TBC1D2B: variants seen among roughly 807,000 people sequenced by gnomAD.
TBC1D2B encodes the protein TBC1 domain family, member 2B.
A neutral mutation model predicts 100.8 loss-of-function variants in TBC1D2B; 64 were observed. The ratio of observed to expected loss-of-function variants is 0.64; its 90% CI spans 0.52 to 0.78. The LOEUF is 0.78. TBC1D2B is among the 30% of genes least tolerant of loss of function. The probability of loss-of-function intolerance (pLI) is 0.00; values close to 1 mark genes in which losing one functional copy is unlikely to be tolerated. For missense variants in TBC1D2B, 1,052 were observed against 1,218.4 expected, an observed-to-expected ratio of 0.86 and a Z score of 2.03; for synonymous variants, 480 against 479.7, an observed-to-expected ratio of 1.00 and a Z score of -0.01.
At chr15:78,005,933 C>T (rs1469219981) in intron 10 of TBC1D2B, among the ~76,000 whole-genome samples, 1 of 152,306 alleles carries the variant, frequency 6.6e-6, no homozygotes, top group South Asian at 2.1e-4. Flanking sequence ...TATAACAATA[C>T]TACCAACTTT....
In TBC1D2B at chr15:78,012,804, T is replaced by C. The variant is rs775768168; in HGVS notation, c.2270+19A>G. 1 of 1,448,674 alleles carries C rather than the reference T, an allele frequency of 6.9e-7. No homozygotes were observed. Among genetic ancestry groups the C allele is most frequent in the East Asian group, 2.4e-5 (1 of 41,554 alleles). 89.7% of individuals were successfully genotyped at this position (1,448,674 alleles called of 1,614,324 possible). ...AGTTGCCTAATGGCAAATGGGAACATTTTGTGCTGTGCACCCACCTGTTTA... is the reference window on the plus strand; with the variant it reads ...AGTTGCCTAATGGCAAATGGGAACACTTTGTGCTGTGCACCCACCTGTTTA... On this transcript the variant is annotated intron_variant, in intron 9 of 12. Coordinates refer to ENST00000300584, the MANE Select transcript of TBC1D2B (RefSeq NM_144572.2).
intron 3 of TBC1D2B, among the ~76,000 whole-genome samples, chr15:78,044,590 T>C (rs1418182482): frequency 6.6e-6 from 1 of 152,214 alleles, no homozygotes; most frequent in African/African-American, 2.4e-5. Context: ...CCTGGAAGAA[T>C]TGTGACCTCA....
chr15:78,024,656 A>G, intron 5 of TBC1D2B, 117 bp from the exon 6 acceptor site: 2 of 973,266 alleles, frequency 2.1e-6, no homozygotes, highest in Non-Finnish European at 2.9e-6. Flanking sequence ...TAGAAACTTT[A>G]CTGGAAACAT....
At chr15:78,046,906 G>A (rs1286276964) in intron 2 of TBC1D2B, among the ~76,000 whole-genome samples, 1 of 152,184 alleles carries the variant, frequency 6.6e-6, no homozygotes, top group African/African-American at 2.4e-5. Flanking sequence ...GGAGAGCAAC[G>A]TCCTGAATGC....
chr15:78,030,299 G>A, intron 3 of TBC1D2B, 129 bp from the exon 4 acceptor site: 2 of 792,422 alleles, frequency 2.5e-6, no homozygotes, highest in East Asian at 3.0e-5. Flanking sequence ...ACGGAGAAAT[G>A]GGGATTCCCT....
At chr15:78,046,121 G>A (rs999879743) in intron 2 of TBC1D2B, among the ~76,000 whole-genome samples, 3 of 151,960 alleles carry the variant, frequency 2.0e-5, no homozygotes, top group African/African-American at 4.8e-5. Context: ...TAGTACAGAC[G>A]AGGTTTCACC....
At chr15:78,005,391 G>A (rs1212048429) in intron 10 of TBC1D2B, among the ~76,000 whole-genome samples, 4 of 152,346 alleles carry the variant, frequency 2.6e-5, no homozygotes, top group East Asian at 1.9e-4. Context: ...CAGTGGGCAC[G>A]GGGCTCGGGC....
chr15:78,016,359 C>G (rs2072374771), intron 8 of TBC1D2B, among the ~76,000 whole-genome samples, 187 bp downstream of exon 8: 1 of 152,130 alleles, frequency 6.6e-6, no homozygotes, highest in South Asian at 2.1e-4. Context: ...TGTGGTAAGT[C>G]CCCGCTCTAT....
chr15:78,037,099 T>G (rs562149307), intron 3 of TBC1D2B, among the ~76,000 whole-genome samples: 8 of 152,144 alleles, frequency 5.3e-5, no homozygotes, highest in Admixed American at 1.3e-4. Flanking sequence ...ACAATATTCT[T>G]ACTGTAGAAC....
Position 78,063,043 on chromosome 15 carries a change from CAT to C in TBC1D2B, c.361-8858_361-8857del, listed in dbSNP as rs902455180. ...ATGGTATTGAAAATTAATTAGTTAA[CAT>C]GTGTTAAGCTCAAAAGGGTGTTTGG... On this transcript the variant is annotated intron_variant, in intron 1 of 12. Coordinates refer to ENST00000300584, the MANE Select transcript of TBC1D2B (RefSeq NM_144572.2). Among the ~76,000 whole-genome samples, 11 of 152,294 alleles carry C rather than the reference CAT, an allele frequency of 7.2e-5. No homozygotes were observed. The East Asian group carries it at 1.2e-3, about 16-fold the overall frequency.
chr15:78,066,258 T>C (rs2073655262), intron 1 of TBC1D2B: 1 of 333,754 alleles, frequency 3.0e-6, no homozygotes, highest in South Asian at 2.2e-5. Context: ...GCAAAGAAGA[T>C]ATGCAGCTAT....
chr15:78,033,922 C>G (rs1169837173), intron 3 of TBC1D2B, among the ~76,000 whole-genome samples: 2 of 152,342 alleles, frequency 1.3e-5, no homozygotes, highest in East Asian at 3.9e-4. Flanking sequence ...ATGTTCTCAT[C>G]ACGCTATCAC....
At position 78,024,395 on chromosome 15, in the gene TBC1D2B, G is replaced by C; in HGVS notation, c.1231C>G (p.Gln411Glu). ...KDDQILGLTS[Q>E]LERFSLEKES... ...TTCTCCAAGCTGAACCTCTCCAGCT[G>C]GCTGGTAAGGCCCAGAATCTGATCA... The change falls in exon 6 of 13, where the codon CAG becomes GAG. Residue 411 changes from glutamine (Q) to glutamate (E), a missense_variant. This residue lies in a region of TBC1D2B where 627 missense variants were observed against 646.1 expected (regional missense o/e 0.97). Transcript: ENST00000300584. 6.2e-7 allele frequency: 1 copy of C among 1,614,052 alleles called. No individual in the cohort carries two copies.
At chr15:78,076,023 G>T (rs1001564028) in intron 1 of TBC1D2B, among the ~76,000 whole-genome samples, 12 of 152,186 alleles carry the variant, frequency 7.9e-5, no homozygotes, top group Non-Finnish European at 4.4e-5. Context: ...GAAGAGGAGT[G>T]AGAGTGAGGG....
At chr15:78,069,875 G>A (rs2073717847) in intron 1 of TBC1D2B, among the ~76,000 whole-genome samples, 1 of 152,222 alleles carries the variant, frequency 6.6e-6, no homozygotes, top group Admixed American at 6.5e-5. Context: ...CACCAAATCT[G>A]CTGGTGCCTT....
chr15:78,024,352 T>G lies in TBC1D2B; in HGVS notation c.1274A>C (p.Glu425Ala). 1 of 1,614,038 alleles carries G rather than the reference T, an allele frequency of 6.2e-7. No individual in the cohort carries two copies. The highest frequency in any genetic ancestry group is 8.5e-7 in the Non-Finnish European group (1 of 1,179,892). ...CACTTTGCTCTTCAGCGTCCTTACT[T>G]CCTGCTGAAGACTCTCCTTCTCCAA... ...FSLEKESLQQ[E>A]VRTLKSKVGE... The change falls in exon 6 of 13, where the codon GAA (glutamate) becomes GCA (alanine). Residue 425 changes from glutamate (E) to alanine (A), a missense_variant. By Grantham distance (107) the Glu-to-Ala change is moderately radical (BLOSUM62 -1). Around this residue, in one of 4 missense-constraint regions of TBC1D2B, gnomAD observed 627 missense variants for 646.1 expected, o/e 0.97. Transcript: ENST00000300584.
intron 1 of TBC1D2B, among the ~76,000 whole-genome samples, chr15:78,057,842 A>T (rs1158258538): frequency 6.6e-6 from 1 of 152,246 alleles, no homozygotes; most frequent in Admixed American, 6.5e-5. Context: ...GAGCACCACT[A>T]AAAGTACAAC....
chr15:78,051,246 AATG>A (rs1355826221), intron 2 of TBC1D2B, among the ~76,000 whole-genome samples: 1 of 152,216 alleles, frequency 6.6e-6, no homozygotes, highest in East Asian at 1.9e-4. Flanking sequence ...ACCCTTTCAA[AATG>A]ATATCATCTC....
rs144481841 is a variant in TBC1D2B at position 78,015,993 on chromosome 15, G to A, written c.1775+553C>T. ...GTAAGCAAGGCCTAGACACAGGGCT[G>A]GTCCTGAGTCGTGGAAACAAGAGGC... On this transcript the variant is annotated intron_variant, in intron 8 of 12. Transcript: ENST00000300584. 9.9e-3 allele frequency among the ~76,000 whole-genome samples: 1,506 copies of A among 152,278 alleles called. 34 individuals are homozygous for A. Among genetic ancestry groups the A allele is most frequent in the African/African-American group, 0.034 (1,426 of 41,538 alleles).
Sources: gnomAD v4.1 joint callset for allele counts (sites outside exome capture counted in the v4.1 genomes callset) on GRCh38, gnomAD v4.1.1 for gene constraint, gnomAD v4.1.1 regional missense constraint, MANE v1.5 for transcripts, NCBI Gene and HGNC (gene_info 2026-07-23, HGNC 2026-07-21) for gene names.